MYSM1: variants seen among roughly 807,000 people sequenced by gnomAD.
MYSM1 encodes the protein deubiquitinase MYSM1.
A neutral mutation model predicts 116.0 loss-of-function variants in MYSM1; 51 were observed. That is an observed-to-expected ratio of 0.44 (90% CI 0.35 to 0.56). The LOEUF (loss-of-function observed/expected upper bound fraction) is 0.56, where lower values mean the gene tolerates loss of function less well. Ranked by LOEUF, MYSM1 falls within the 20% of genes least tolerant of loss-of-function variation. The pLI, the probability that MYSM1 is intolerant of heterozygous loss-of-function variation, is 0.00. For missense variants in MYSM1, 900 were observed against 974.9 expected (o/e 0.92, Z 1.02); for synonymous variants, 313 against 315.2 (o/e 0.99, Z 0.07).
At chr1:58,699,604 T>C (rs945224178) in intron 1 of MYSM1, 7 of 983,064 alleles carry the variant, frequency 7.1e-6, no homozygotes, top group East Asian at 1.1e-4. Context: ...TAGCAAGCCA[T>C]AGAACAAGAG....
intron 17 of MYSM1, among the ~76,000 whole-genome samples, chr1:58,663,196 G>C (rs188940278): frequency 1.3e-5 from 2 of 151,928 alleles, no homozygotes; most frequent in African/African-American, 4.8e-5. Context: ...AATAAAGAGA[G>C]GTAAATAATG....
At chr1:58,676,154 C>G (rs631352) in intron 9 of MYSM1, among the ~76,000 whole-genome samples, 8,760 of 152,102 alleles carry the variant, frequency 0.058, 785 homozygotes, top group African/African-American at 0.2. Context: ...CGCGGTGGCT[C>G]ACGCCTGTGA....
chr1:58,698,493 A>T (rs1160141538), intron 1 of MYSM1, among the ~76,000 whole-genome samples: 1 of 152,034 alleles, frequency 6.6e-6, no homozygotes, highest in Non-Finnish European at 1.5e-5. Flanking sequence ...CCTGCTTGTT[A>T]CCACAAGTGC....
chr1:58,671,966 A>G lies in MYSM1; in HGVS notation c.1573-8T>C. Reference sequence around the variant, plus strand: ...CTCCTCAGCAGAGAGATGCTAAAACAAAATGCCAATTGATTAAGGAGTCCA... The same window carrying G: ...CTCCTCAGCAGAGAGATGCTAAAACGAAATGCCAATTGATTAAGGAGTCCA... On this transcript the variant is annotated splice_polypyrimidine_tract_variant and splice_region_variant and intron_variant, in intron 11 of 19. Transcript: ENST00000472487. 2 of 1,610,496 alleles carry G rather than the reference A, an allele frequency of 1.2e-6. No individual in the cohort carries two copies. The highest frequency in any genetic ancestry group is 1.7e-6 in the Non-Finnish European group (2 of 1,177,916).
In MYSM1 at chr1:58,689,124, G is replaced by GA. The variant is rs760341236; in HGVS notation, c.321-9dup. ...TTTGTAGGAGAGTGTACCCTGAGGGGAAAAAAAGGAATTGCAAAAAAAATT... is the reference window on the plus strand; with the variant it reads ...TTTGTAGGAGAGTGTACCCTGAGGGGAAAAAAAAGGAATTGCAAAAAAAATT... On this transcript the variant is annotated splice_polypyrimidine_tract_variant and intron_variant, in intron 5 of 19. Coordinates refer to ENST00000472487, the MANE Select transcript of MYSM1 (RefSeq NM_001085487.3). 1.3e-6 allele frequency: 2 copies of GA among 1,580,726 alleles called. No homozygotes were observed. Among genetic ancestry groups the GA allele is most frequent in the Admixed American group, 2.0e-5 (1 of 49,044 alleles).
chr1:58,661,460 C>T lies in MYSM1; in HGVS notation c.2216G>A (p.Gly739Glu). 1 of 1,609,396 alleles carries T rather than the reference C, an allele frequency of 6.2e-7. No individual in the cohort carries two copies. Among genetic ancestry groups the T allele is most frequent in the South Asian group, 1.1e-5 (1 of 90,946 alleles). The change falls in exon 18 of 20, where the codon GGA becomes GAA. Residue 739 changes from glycine to glutamate, a missense_variant. Around this residue, in one of 3 missense-constraint regions of MYSM1, gnomAD observed 186 missense variants for 196.2 expected, o/e 0.95. Coordinates refer to ENST00000472487, the MANE Select transcript of MYSM1 (RefSeq NM_001085487.3). ...CCATCTTGTCTTTTCAAATACTAAT[C>T]CCCACTGAGGTTCTTCTAACATCTG... is the stretch of plus-strand genomic sequence containing the variant. ...VQQMLEEPQW[G>E]LVFEKTRWII...
At chr1:58,666,580 T>TC (rs980855340) in intron 16 of MYSM1, among the ~76,000 whole-genome samples, 2 of 149,898 alleles carry the variant, frequency 1.3e-5, no homozygotes, top group East Asian at 1.9e-4. Context: ...TTTTTTCTTT[T>TC]TTTTTTTTTT....
intron 18 of MYSM1, 75 bp from the exon 19 acceptor site, chr1:58,661,302 G>T: frequency 1.5e-6 from 2 of 1,357,536 alleles, no homozygotes; most frequent in South Asian, 1.2e-5. Flanking sequence ...AAACTATCAC[G>T]GATGCCATAC....
chr1:58,661,987 T>G, intron 17 of MYSM1, among the ~76,000 whole-genome samples: 1 of 151,400 alleles, frequency 6.6e-6, no homozygotes, highest in African/African-American at 2.4e-5. Flanking sequence ...TTTTAACAGG[T>G]GAGAAAACTG....
Position 58,667,163 on chromosome 1 carries a change from A to G in MYSM1, c.1906T>C (p.Ser636Pro), listed in dbSNP as rs1176085674. 19 of 1,613,188 alleles carry G rather than the reference A, an allele frequency of 1.2e-5. No individual in the cohort carries two copies. The highest frequency in any genetic ancestry group is 1.6e-5 in the Non-Finnish European group (19 of 1,179,514). Reference sequence around the variant, plus strand: ...AAGGTTTCTGAGGCCTGTGTTTGTGATACAGGATCCATCTCACACTGTAGT... The same window carrying G: ...AAGGTTTCTGAGGCCTGTGTTTGTGGTACAGGATCCATCTCACACTGTAGT... ...TGLQCEMDPV[S>P]QTQASETLAV... Residue 636 changes from serine to proline, a missense_variant, in exon 16 of 20, where the codon TCA (serine) becomes CCA (proline). By Grantham distance (74) the Ser-to-Pro change is moderately conservative. Transcript: ENST00000472487.
chr1:58,681,915 G>T lies in MYSM1; in HGVS notation c.1129C>A (p.Gln377Lys). The part of the protein sequence containing the change: ...HEEEELKPPE[Q>K]EIEIDRNIIQ... ...ATATTTCTATCTATTTCTATTTCCT[G>T]TTCTGGTGGCTTAAGCTCTTCTTCC... Residue 377 changes from glutamine (Q) to lysine (K), a missense_variant, in exon 8 of 20, where the codon CAG becomes AAG. By Grantham distance (53) the Gln-to-Lys change is moderately conservative. Coordinates refer to ENST00000472487, the MANE Select transcript of MYSM1 (RefSeq NM_001085487.3). 6.2e-7 allele frequency: 1 copy of T among 1,613,906 alleles called. No individual in the cohort carries two copies. Among genetic ancestry groups the T allele is most frequent in the Non-Finnish European group, 8.5e-7 (1 of 1,179,980 alleles).
At position 58,682,224 on chromosome 1, in the gene MYSM1, T is replaced by G; in HGVS notation, c.820A>C (p.Lys274Gln). 6.2e-7 allele frequency: 1 copy of G among 1,613,100 alleles called. No individual in the cohort carries two copies. Among genetic ancestry groups the G allele is most frequent in the South Asian group, 1.1e-5 (1 of 91,062 alleles). ...TSDSQEALFS[K>Q]SSRGCLQNEK... ...TTTTGAAGACAGCCCCTGGAAGACT[T>G]AGAAAAGAGAGCTTCCTGGCTGTCA... Residue 274 changes from lysine to glutamine, a missense_variant, in exon 8 of 20, where the codon AAG becomes CAG. Physicochemically the swap from Lys to Gln is moderately conservative, Grantham distance 53 (BLOSUM62 1). Coordinates refer to ENST00000472487, the MANE Select transcript of MYSM1 (RefSeq NM_001085487.3).
At chr1:58,675,629 A>C in intron 9 of MYSM1, 49 bp from the exon 10 acceptor site, 1 of 1,455,704 alleles carries the variant, frequency 6.9e-7, no homozygotes, top group African/African-American at 1.4e-5. Context: ...TGTGAAACTC[A>C]TTTGTTAAAC....
intron 17 of MYSM1, among the ~76,000 whole-genome samples, chr1:58,662,569 G>A (rs964122764): frequency 6.6e-6 from 1 of 150,446 alleles, no homozygotes; most frequent in Non-Finnish European, 1.5e-5. Flanking sequence ...AGGCTCGAGA[G>A]TTCTGCTTTT....
At chr1:58,676,405 G>GAAAAA (rs66986748) in intron 9 of MYSM1, among the ~76,000 whole-genome samples, 1 of 91,344 alleles carries the variant, frequency 1.1e-5, no homozygotes, top group African/African-American at 4.1e-5. Flanking sequence ...AACAGAGCGA[G>GAAAAA]AAAAAAAAAA....
rs1449516770 is a variant in MYSM1 at position 58,655,618 on chromosome 1, G to A, written c.*4379C>T. On this transcript the variant is annotated 3_prime_UTR_variant, in exon 20 of 20. Coordinates refer to ENST00000472487, the MANE Select transcript of MYSM1 (RefSeq NM_001085487.3). ...AAGAAAATAGAGAAAGCAGAATTTG[G>A]GGGAATAGCACATGAAGCCATTTAA... 1 of 152,046 alleles carries A rather than the reference G, an allele frequency of 6.6e-6. No homozygotes were observed. The highest frequency in any genetic ancestry group is 1.5e-5 in the Non-Finnish European group (1 of 67,992). The allele number at this position is 152,046 out of a possible 1,614,324, so 9.4% of individuals were successfully genotyped here.
chr1:58,673,298 G>A (rs1644592030), intron 11 of MYSM1, among the ~76,000 whole-genome samples: 1 of 152,062 alleles, frequency 6.6e-6, no homozygotes, highest in Non-Finnish European at 1.5e-5. Flanking sequence ...GAAACGAATT[G>A]GGCATACCAA....
intron 1 of MYSM1, among the ~76,000 whole-genome samples, chr1:58,697,692 C>A (rs539880139): frequency 3.2e-4 from 48 of 151,682 alleles, no homozygotes; most frequent in Admixed American, 2.9e-3. Flanking sequence ...CAGGGTCAAG[C>A]AATTCTCCTG....
chr1:58,684,322 T>C (rs751655867), intron 7 of MYSM1, among the ~76,000 whole-genome samples: 4 of 151,988 alleles, frequency 2.6e-5, no homozygotes, highest in Non-Finnish European at 5.9e-5. Context: ...TCCCAGCACT[T>C]TGGGAGGCCG....
Sources: allele counts gnomAD v4.1 joint callset (sites outside exome capture counted in the v4.1 genomes callset), GRCh38; gene constraint gnomAD v4.1.1; regional missense constraint gnomAD v4.1.1; transcripts MANE v1.5; gene names NCBI Gene and HGNC (gene_info 2026-07-23, HGNC 2026-07-21).